The following FERMT2 variants were observed in gnomAD, a reference collection of about 807,000 sequenced individuals.
FERMT2 encodes FERM domain containing kindlin 2, also known as fermitin family homolog 2.
Under a neutral mutation model 82.7 loss-of-function variants are expected in FERMT2, and 15 were observed. The ratio of observed to expected loss-of-function variants is 0.18; its 90% CI spans 0.12 to 0.28. FERMT2 has a LOEUF of 0.28. Ranked by LOEUF, FERMT2 falls within the 10% of genes least tolerant of loss-of-function variation. The probability of loss-of-function intolerance (pLI) is 1.00; values close to 1 mark genes in which losing one functional copy is unlikely to be tolerated. For missense variants in FERMT2, 645 were observed against 809.4 expected, an observed-to-expected ratio of 0.80 and a Z score of 2.46; for synonymous variants, 274 against 271.5, an observed-to-expected ratio of 1.01 and a Z score of -0.09.
intron 4 of FERMT2, among the ~76,000 whole-genome samples, chr14:52,883,516 T>A (rs1886409133): frequency 6.6e-6 from 1 of 152,206 alleles, no homozygotes; most frequent in African/African-American, 2.4e-5. Flanking sequence ...ATAAATCTGT[T>A]ACGAAGAATG....
chr14:52,881,539 A>G, intron 4 of FERMT2, 70 bp from the exon 5 acceptor site: 1 of 1,137,058 alleles, frequency 8.8e-7, no homozygotes, highest in Non-Finnish European at 1.3e-6. Context: ...AATAACACAT[A>G]TTATGATATA....
chr14:52,932,531 T>C (rs1889638802), intron 2 of FERMT2, among the ~76,000 whole-genome samples: 1 of 152,156 alleles, frequency 6.6e-6, no homozygotes, highest in Admixed American at 6.5e-5. Flanking sequence ...AGAATGCATA[T>C]ACTAATATGC....
At chr14:52,865,416 G>GT (rs1248534323) in intron 10 of FERMT2, among the ~76,000 whole-genome samples, 1 of 152,180 alleles carries the variant, frequency 6.6e-6, no homozygotes, top group African/African-American at 2.4e-5. Flanking sequence ...TAAACAAGTA[G>GT]TAACAGTATA....
intron 2 of FERMT2, among the ~76,000 whole-genome samples, chr14:52,939,203 A>C (rs1161583307): frequency 6.7e-6 from 1 of 150,026 alleles, no homozygotes; most frequent in South Asian, 2.1e-4. Context: ...AAAAAAAAAA[A>C]AAAAAAAAAA....
At chr14:52,905,032 A>AT in intron 3 of FERMT2, among the ~76,000 whole-genome samples, 1 of 151,736 alleles carries the variant, frequency 6.6e-6, no homozygotes, top group East Asian at 2.0e-4. Context: ...TCTACTAAAA[A>AT]TACAAAATTA....
intron 3 of FERMT2, among the ~76,000 whole-genome samples, chr14:52,895,893 G>A (rs1215864766): frequency 2.0e-5 from 3 of 152,172 alleles, no homozygotes; most frequent in East Asian, 1.9e-4. Flanking sequence ...ACAGTCATGC[G>A]TCACTTAAGG....
At chr14:52,889,727 C>T (rs554890218) in intron 4 of FERMT2, among the ~76,000 whole-genome samples, 115 of 152,210 alleles carry the variant, frequency 7.6e-4, no homozygotes, top group Admixed American at 1.7e-3. Context: ...TGCTCCCAGG[C>T]TACAAACCTG....
intron 7 of FERMT2, among the ~76,000 whole-genome samples, chr14:52,877,920 C>T (rs1306882310): frequency 6.6e-6 from 1 of 152,042 alleles, no homozygotes; most frequent in Non-Finnish European, 1.5e-5. Flanking sequence ...GTCATCAGAC[C>T]TCAGTATCTG....
At chr14:52,930,171 A>C (rs1889495862) in intron 2 of FERMT2, among the ~76,000 whole-genome samples, 1 of 152,192 alleles carries the variant, frequency 6.6e-6, no homozygotes, top group African/African-American at 2.4e-5. Context: ...TACTAACTAG[A>C]AGAGTGGCAG....
At chr14:52,898,950 T>C (rs886834549) in intron 3 of FERMT2, among the ~76,000 whole-genome samples, 11 of 152,226 alleles carry the variant, frequency 7.2e-5, no homozygotes, top group East Asian at 5.8e-4. Context: ...GTTTCCGCCA[T>C]ATCCCCCAGG....
At position 52,875,267 on chromosome 14, in the gene FERMT2, C is replaced by T; in HGVS notation, c.1054G>A (p.Asp352Asn). ...CCCCCTTCCAGAGTAATCTCCAGGT[C>T]TGAAAGGGCAGCATCAACTTCATCA... ...EVDEVDAALS[D>N]LEITLEGGKT... is the part of the protein sequence containing the mutation. The change falls in exon 8 of 15, where the codon GAC (aspartate) becomes AAC (asparagine). Residue 352 changes from aspartate to asparagine, a missense_variant. Asp to Asn is a conservative substitution (Grantham distance 23, BLOSUM62 1). Transcript: ENST00000341590. 6.2e-7 allele frequency: 1 copy of T among 1,613,310 alleles called. No individual in the cohort carries two copies. Among genetic ancestry groups the T allele is most frequent in the Non-Finnish European group, 8.5e-7 (1 of 1,179,636 alleles).
At chr14:52,874,986 T>A (rs1566723177) in intron 8 of FERMT2, among the ~76,000 whole-genome samples, 1 of 152,116 alleles carries the variant, frequency 6.6e-6, no homozygotes, top group Non-Finnish European at 1.5e-5. Context: ...CCCTGGAGTT[T>A]GAGAATGCAG....
Position 52,916,618 on chromosome 14 carries a change from G to A in FERMT2, c.391+2505C>T, listed in dbSNP as rs527284162. Among the ~76,000 whole-genome samples, 25 of 152,244 alleles carry A rather than the reference G, an allele frequency of 1.6e-4. No individual in the cohort carries two copies. In the East Asian group the frequency reaches 4.8e-3, roughly 29 times the overall value. Reference sequence around the variant, plus strand: ...CAATACCACAACAGTAGATACACGAGTATATATTTTTCCAAGCCCACAGCA... The same window carrying A: ...CAATACCACAACAGTAGATACACGAATATATATTTTTCCAAGCCCACAGCA... On this transcript the variant is annotated intron_variant, in intron 3 of 14. Coordinates refer to ENST00000341590, the MANE Select transcript of FERMT2 (RefSeq NM_006832.3).
Position 52,858,030 on chromosome 14 carries a change from C to A in FERMT2, c.*347G>T, listed in dbSNP as rs1374238064. 1 of 207,814 alleles carries A rather than the reference C, an allele frequency of 4.8e-6. No individual in the cohort carries two copies. Among genetic ancestry groups the A allele is most frequent in the Non-Finnish European group, 9.8e-6 (1 of 101,918 alleles). 12.9% of individuals were successfully genotyped at this position (207,814 alleles called of 1,614,324 possible). A position where few individuals can be genotyped will look rare whatever the true frequency, so the allele number is the denominator to read the frequency against. On this transcript the variant is annotated 3_prime_UTR_variant, in exon 15 of 15. Transcript: ENST00000341590. ...TGCATTAGACATGATAAATAGAGTT[C>A]ATATAGGTTAAGCCCTGGATAGCTT...
chr14:52,942,537 C>T (rs1055584099), intron 2 of FERMT2, among the ~76,000 whole-genome samples: 1 of 151,916 alleles, frequency 6.6e-6, no homozygotes, highest in Non-Finnish European at 1.5e-5. Context: ...CTCCTGACCT[C>T]GTGAGCCACC....
At chr14:52,924,305 C>T (rs1320200385) in intron 2 of FERMT2, among the ~76,000 whole-genome samples, 1 of 152,148 alleles carries the variant, frequency 6.6e-6, no homozygotes, top group Non-Finnish European at 1.5e-5. Flanking sequence ...AGATAAGGCC[C>T]TAGAGCAGTA....
intron 2 of FERMT2, among the ~76,000 whole-genome samples, chr14:52,942,237 T>C (rs956567752): frequency 6.6e-6 from 1 of 151,992 alleles, no homozygotes; most frequent in Non-Finnish European, 1.5e-5. Flanking sequence ...TATATACATG[T>C]AGTATCAATA....
At chr14:52,940,724 T>C (rs1297273930) in intron 2 of FERMT2, among the ~76,000 whole-genome samples, 4 of 152,194 alleles carry the variant, frequency 2.6e-5, no homozygotes, top group Admixed American at 2.6e-4. Flanking sequence ...AAAACTGACT[T>C]AGCCAGTAGG....
intron 4 of FERMT2, among the ~76,000 whole-genome samples, chr14:52,887,198 C>T (rs1386967400): frequency 1.3e-5 from 2 of 149,706 alleles, no homozygotes; most frequent in African/African-American, 4.9e-5. Context: ...TGCAATGGTG[C>T]GATCTTGGCT....
Sources: allele counts gnomAD v4.1 joint callset (sites outside exome capture counted in the v4.1 genomes callset), GRCh38; gene constraint gnomAD v4.1.1; transcripts MANE v1.5; gene names NCBI Gene and HGNC (gene_info 2026-07-23, HGNC 2026-07-21).